Variants in NFIB observed in about 807,000 individuals in gnomAD.
The protein encoded by NFIB is nuclear factor I B, also known as nuclear factor 1 B-type.
NFIB carries 11 observed loss-of-function variants against 61.5 expected under a neutral mutation model. The ratio of observed to expected loss-of-function variants is 0.18; its 90% CI spans 0.11 to 0.30. The LOEUF is 0.30. Ranked by LOEUF, NFIB falls within the 10% of genes least tolerant of loss-of-function variation. The pLI is 1.00. For synonymous variants in NFIB, 260 were observed against 216.5 expected, an observed-to-expected ratio of 1.20 and a Z score of -1.76; for missense variants, 471 against 608.9, an observed-to-expected ratio of 0.77 and a Z score of 2.38.
At position 14,146,818 on chromosome 9, in the gene NFIB, AT is replaced by A; in HGVS notation, c.807-12del. On this transcript the variant is annotated splice_polypyrimidine_tract_variant and intron_variant, in intron 5 of 10. Transcript: ENST00000380953. ...GTTTTGGGTCTTTTGCTGTTAAAATATGGCAATAGTTATATTAATGGGATTT... is the reference window on the plus strand; with the variant it reads ...GTTTTGGGTCTTTTGCTGTTAAAATAGGCAATAGTTATATTAATGGGATTT... 1 of 1,603,492 alleles carries A rather than the reference AT, an allele frequency of 6.2e-7. No individual in the cohort carries two copies. Among genetic ancestry groups the A allele is most frequent in the Non-Finnish European group, 8.5e-7 (1 of 1,177,322 alleles).
At chr9:14,265,127 T>A (rs575004378) in intron 2 of NFIB, among the ~76,000 whole-genome samples, 2 of 152,330 alleles carry the variant, frequency 1.3e-5, no homozygotes, top group Non-Finnish European at 1.5e-5. Context: ...TCAGCAATGT[T>A]CTTTGGATCA....
At chr9:14,497,656 C>T in the NFIB span, among the ~76,000 whole-genome samples, 11 of 152,214 alleles carry the variant, frequency 7.2e-5, no homozygotes, top group Admixed American at 5.2e-4. Flanking sequence ...GATTCATCTT[C>T]CAGGATGCTT....
chr9:14,191,947 C>T (rs986268225), intron 2 of NFIB, among the ~76,000 whole-genome samples: 1 of 152,154 alleles, frequency 6.6e-6, no homozygotes, highest in Non-Finnish European at 1.5e-5. Context: ...CAAACACATA[C>T]ACAAAAACAA....
chr9:14,423,258 T>G, the NFIB span, among the ~76,000 whole-genome samples: 2 of 152,212 alleles, frequency 1.3e-5, no homozygotes, highest in African/African-American at 4.8e-5. Flanking sequence ...ATTGCTCCTA[T>G]CCATGGGAGC....
intron 1 of NFIB, among the ~76,000 whole-genome samples, chr9:14,390,219 T>C (rs2061603689): frequency 6.6e-6 from 1 of 151,902 alleles, no homozygotes; most frequent in South Asian, 2.1e-4. Context: ...CAGATCTGAG[T>C]TTTATGTGGA....
chr9:14,314,104 G>A lies in NFIB; in HGVS notation c.-593C>T, dbSNP rs112877418. 1.9e-6 allele frequency: 2 copies of A among 1,033,338 alleles called. No homozygotes were observed. Among genetic ancestry groups the A allele is most frequent in the East Asian group, 6.0e-5 (1 of 16,716 alleles). The allele number at this position is 1,033,338 out of a possible 1,614,324, so 64.0% of individuals were successfully genotyped here. A position where few individuals can be genotyped will look rare whatever the true frequency, so the allele number is the denominator to read the frequency against. On this transcript the variant is annotated 5_prime_UTR_variant, in exon 1 of 11. Transcript: ENST00000380953. Reference sequence around the variant, plus strand: ...CGCAGGCGAAACTTTGCCGCGAGCCGACCATGTGTGTGCGCGAGGGGCAGC... The same window carrying A: ...CGCAGGCGAAACTTTGCCGCGAGCCAACCATGTGTGTGCGCGAGGGGCAGC...
rs527875411 is a variant in NFIB at position 14,175,244 on chromosome 9, G to C, written c.616+4483C>G. Among the ~76,000 whole-genome samples, 13 of 135,982 alleles carry C rather than the reference G, an allele frequency of 9.6e-5. No individual in the cohort carries two copies. In the East Asian group the frequency reaches 2.0e-3, roughly 21 times the overall value. 89.2% of individuals were successfully genotyped at this position (135,982 alleles called of 152,430 possible). A position where few individuals can be genotyped will look rare whatever the true frequency, so the allele number is the denominator to read the frequency against. On this transcript the variant is annotated intron_variant, in intron 3 of 10. Transcript: ENST00000380953. Reference sequence around the variant, plus strand: ...GCTGGAGTGCAGTGGTGCGATCTCGGCTAACTGCAAGCTCCGCCTCCCAGG... The same window carrying C: ...GCTGGAGTGCAGTGGTGCGATCTCGCCTAACTGCAAGCTCCGCCTCCCAGG...
intron 1 of NFIB, among the ~76,000 whole-genome samples, chr9:14,364,964 A>G (rs2061283055): frequency 6.6e-6 from 1 of 152,158 alleles, no homozygotes; most frequent in South Asian, 2.1e-4. Context: ...CCCCATTTTG[A>G]TCTGTGCCAT....
At chr9:14,141,213 A>T (rs934371633) in intron 6 of NFIB, among the ~76,000 whole-genome samples, 16 of 152,226 alleles carry the variant, frequency 1.1e-4, no homozygotes, top group Non-Finnish European at 2.9e-5. Context: ...CTTGGAAACA[A>T]ATTAAAATTT....
At chr9:14,344,108 AAGAGAGAGAGAG>A (rs149708104) in intron 1 of NFIB, among the ~76,000 whole-genome samples, 13 of 141,458 alleles carry the variant, frequency 9.2e-5, no homozygotes, top group Admixed American at 4.2e-4. Context: ...GAGAGAGAGA[AAGAGAGAGAGAG>A]AGAGAGAGAG....
intron 1 of NFIB, among the ~76,000 whole-genome samples, chr9:14,335,726 A>G (rs1332662630): frequency 1.3e-5 from 2 of 152,342 alleles, no homozygotes; most frequent in African/African-American, 4.8e-5. Flanking sequence ...TTTTGGCTTC[A>G]TATCTAAGAC....
chr9:14,504,801 T>C, the NFIB span, among the ~76,000 whole-genome samples: 1 of 152,216 alleles, frequency 6.6e-6, no homozygotes, highest in African/African-American at 2.4e-5. Context: ...ACTTCCTCTA[T>C]ACTGATTTGG....
intron 1 of NFIB, among the ~76,000 whole-genome samples, chr9:14,355,136 GTGC>G (rs1444124090): frequency 6.6e-6 from 1 of 152,168 alleles, no homozygotes; most frequent in African/African-American, 2.4e-5. Context: ...AGGCTGAACT[GTGC>G]CACTCCAAAA....
At chr9:14,483,819 T>C in the NFIB span, among the ~76,000 whole-genome samples, 1 of 152,248 alleles carries the variant, frequency 6.6e-6, no homozygotes, top group South Asian at 2.1e-4. Flanking sequence ...TTTGAGACTC[T>C]GCTGCCTATT....
intron 2 of NFIB, among the ~76,000 whole-genome samples, chr9:14,215,257 A>G (rs1175397969): frequency 6.6e-6 from 1 of 150,502 alleles, no homozygotes; most frequent in Admixed American, 6.6e-5. Flanking sequence ...AACCGAAGAA[A>G]AAGAGCAGGC....
At chr9:14,370,911 G>A (rs1203980446) in intron 1 of NFIB, among the ~76,000 whole-genome samples, 5 of 152,066 alleles carry the variant, frequency 3.3e-5, no homozygotes, top group South Asian at 2.1e-4. Flanking sequence ...CCTGGCCAAC[G>A]TGGCGAAACC....
At chr9:14,369,289 C>T (rs1007590611) in intron 1 of NFIB, among the ~76,000 whole-genome samples, 3 of 152,178 alleles carry the variant, frequency 2.0e-5, no homozygotes, top group Non-Finnish European at 4.4e-5. Flanking sequence ...GATGTGGAAG[C>T]TGGTCGAAGG....
At chr9:14,096,876 T>G (rs2034876210) in intron 10 of NFIB, among the ~76,000 whole-genome samples, 1 of 152,208 alleles carries the variant, frequency 6.6e-6, no homozygotes, top group South Asian at 2.1e-4. Context: ...CCATTTCCTG[T>G]GGGATGGCAG....
At chr9:14,382,959 A>C (rs558933361) in intron 1 of NFIB, among the ~76,000 whole-genome samples, 1 of 152,300 alleles carries the variant, frequency 6.6e-6, no homozygotes, top group East Asian at 1.9e-4. Flanking sequence ...GGTATCTGGA[A>C]GCCTCCCAAC....
Sources: allele counts gnomAD v4.1 joint callset (sites outside exome capture counted in the v4.1 genomes callset), GRCh38; gene constraint gnomAD v4.1.1; transcripts MANE v1.5; gene names NCBI Gene and HGNC (gene_info 2026-07-23, HGNC 2026-07-21).